Variants in PTPRD observed in about 807,000 individuals in gnomAD.
PTPRD encodes protein tyrosine phosphatase receptor type D.
A neutral mutation model predicts 214.5 loss-of-function variants in PTPRD; 34 were observed. The ratio of observed to expected loss-of-function variants is 0.16; its 90% CI spans 0.12 to 0.21. The LOEUF is 0.21. Ranked by LOEUF, PTPRD falls within the 10% of genes least tolerant of loss-of-function variation. The probability of loss-of-function intolerance (pLI) is 1.00; values close to 1 mark genes in which losing one functional copy is unlikely to be tolerated. For synonymous variants in PTPRD, 1,128 were observed against 845.7 expected, an observed-to-expected ratio of 1.33 and a Z score of -5.79; for missense variants, 2,545 against 2,398.7, an observed-to-expected ratio of 1.06 and a Z score of -1.27.
At chr9:9,241,218 G>C (rs891542784) in intron 9 of PTPRD, among the ~76,000 whole-genome samples, 1 of 151,986 alleles carries the variant, frequency 6.6e-6, no homozygotes, top group African/African-American at 2.4e-5. Context: ...GTTTTGTTTT[G>C]TTTTTATTTT....
At chr9:9,829,067 G>A (rs973163793) in intron 5 of PTPRD, among the ~76,000 whole-genome samples, 17 of 151,606 alleles carry the variant, frequency 1.1e-4, no homozygotes, top group East Asian at 5.8e-4. Flanking sequence ...GAGGTATAGC[G>A]GGGAATAAAA....
intron 9 of PTPRD, among the ~76,000 whole-genome samples, chr9:9,340,766 C>T (rs1341470199): frequency 6.6e-6 from 1 of 152,136 alleles, no homozygotes; most frequent in African/African-American, 2.4e-5. Context: ...TCAATGGTAG[C>T]TATGCGAAGT....
chr9:8,847,123 A>G (rs572936392), intron 11 of PTPRD, among the ~76,000 whole-genome samples: 3 of 152,246 alleles, frequency 2.0e-5, no homozygotes, highest in South Asian at 4.1e-4. Flanking sequence ...CTGAGAGAAA[A>G]CAGATTTTGA....
intron 4 of PTPRD, among the ~76,000 whole-genome samples, chr9:9,940,184 T>C (rs561672923): frequency 6.6e-6 from 1 of 152,172 alleles, no homozygotes; most frequent in African/African-American, 2.4e-5. Flanking sequence ...GAGTCAGATA[T>C]ATAGTGGGCC....
intron 3 of PTPRD, among the ~76,000 whole-genome samples, chr9:10,246,319 C>G (rs1380964793): frequency 1.3e-5 from 2 of 152,188 alleles, no homozygotes; most frequent in African/African-American, 4.8e-5. Context: ...TCTTGGCTCA[C>G]TGCAACCTCC....
chr9:8,850,229 G>C (rs1342356016), intron 11 of PTPRD, among the ~76,000 whole-genome samples: 1 of 152,118 alleles, frequency 6.6e-6, no homozygotes, highest in Non-Finnish European at 1.5e-5. Context: ...TGGAACTCCA[G>C]AGACAAGCGA....
At chr9:10,049,218 T>C (rs2097472368) in intron 3 of PTPRD, among the ~76,000 whole-genome samples, 1 of 152,060 alleles carries the variant, frequency 6.6e-6, no homozygotes, top group South Asian at 2.1e-4. Flanking sequence ...AAGGGATCCC[T>C]GCAATCATCT....
At chr9:8,443,436 T>C (rs2095615911) in intron 34 of PTPRD, among the ~76,000 whole-genome samples, 1 of 152,256 alleles carries the variant, frequency 6.6e-6, no homozygotes, top group Non-Finnish European at 1.5e-5. Context: ...ATTCAGTTGC[T>C]GTGCAGACAT....
At chr9:9,724,622 T>C (rs2098042164) in intron 7 of PTPRD, among the ~76,000 whole-genome samples, 1 of 152,176 alleles carries the variant, frequency 6.6e-6, no homozygotes, top group Admixed American at 6.5e-5. Flanking sequence ...TTGGAAAGTA[T>C]TTCTGATCCA....
At chr9:10,011,971 C>T (rs1158367202) in intron 4 of PTPRD, among the ~76,000 whole-genome samples, 2 of 151,778 alleles carry the variant, frequency 1.3e-5, no homozygotes, top group East Asian at 1.9e-4. Flanking sequence ...TCCGGAAACT[C>T]GCTTTTGTTT....
chr9:9,121,478 A>C (rs1452542750), intron 10 of PTPRD, among the ~76,000 whole-genome samples: 1 of 152,216 alleles, frequency 6.6e-6, no homozygotes, highest in Non-Finnish European at 1.5e-5. Flanking sequence ...ACACGATAGA[A>C]TACTACTCAG....
chr9:8,482,214 A>G (rs1483028054), intron 30 of PTPRD, among the ~76,000 whole-genome samples: 1 of 152,136 alleles, frequency 6.6e-6, no homozygotes, highest in South Asian at 2.1e-4. Context: ...ACCATCATTC[A>G]TTGTCATCCA....
intron 3 of PTPRD, among the ~76,000 whole-genome samples, chr9:10,253,517 A>G (rs1195826647): frequency 1.3e-5 from 2 of 152,256 alleles, no homozygotes; most frequent in African/African-American, 4.8e-5. Context: ...TAAAACTAAA[A>G]GCCAATTCTC....
chr9:8,853,724 A>G (rs1002696459), intron 11 of PTPRD, among the ~76,000 whole-genome samples: 1 of 152,218 alleles, frequency 6.6e-6, no homozygotes, highest in Non-Finnish European at 1.5e-5. Context: ...TCACAGAGAG[A>G]ATAACTCTTC....
chr9:9,736,124 G>C (rs1033265459), intron 6 of PTPRD, among the ~76,000 whole-genome samples: 3 of 152,034 alleles, frequency 2.0e-5, no homozygotes, highest in Non-Finnish European at 2.9e-5. Flanking sequence ...GTGTTACCAG[G>C]GAGGGACAAC....
chr9:10,151,256 CTTTTTTTTTTTTTTTT>C (rs71321228), intron 3 of PTPRD, among the ~76,000 whole-genome samples: 2 of 12,384 alleles, frequency 1.6e-4, no homozygotes, highest in African/African-American at 3.2e-4. Flanking sequence ...TTTTTGTTAA[CTTTTTTTTTTTTTTTT>C]TTTTTTTTGA....
intron 11 of PTPRD, among the ~76,000 whole-genome samples, chr9:8,930,301 T>G (rs2154280954): frequency 6.6e-6 from 1 of 152,082 alleles, no homozygotes; most frequent in South Asian, 2.1e-4. Context: ...TCATCCTTTT[T>G]AATGGCTGCA....
At chr9:8,437,192 AC>A in intron 34 of PTPRD, 4 of 1,522,826 alleles carry the variant, frequency 2.6e-6, no homozygotes, top group Non-Finnish European at 3.5e-6. Context: ...ATCAAGGAAA[AC>A]TAACTTGAAG....
intron 9 of PTPRD, among the ~76,000 whole-genome samples, chr9:9,394,963 C>A (rs542635036): frequency 2.8e-4 from 42 of 152,158 alleles, no homozygotes; most frequent in Non-Finnish European, 5.1e-4. Flanking sequence ...TTTAATAATG[C>A]ATGTTCAGGT....
Sources: gnomAD v4.1 joint callset for allele counts (sites outside exome capture counted in the v4.1 genomes callset) on GRCh38, gnomAD v4.1.1 for gene constraint, MANE v1.5 for transcripts, NCBI Gene and HGNC (gene_info 2026-07-23, HGNC 2026-07-21) for gene names.